Variants in NPR3 observed in about 807,000 individuals in gnomAD.
NPR3 encodes the protein atrial natriuretic peptide receptor 3.
In NPR3, 34 loss-of-function variants were observed where a neutral mutation model predicts 54.5. The observed-to-expected ratio is 0.62, with a 90% CI of 0.47 to 0.83. The LOEUF is 0.83. Among genes scored for constraint, NPR3 ranks in the 40% least tolerant of loss-of-function variants. The pLI is 0.00. For synonymous variants in NPR3, 289 were observed against 297.1 expected, an observed-to-expected ratio of 0.97 and a Z score of 0.28; for missense variants, 674 against 720.8, an observed-to-expected ratio of 0.94 and a Z score of 0.74.
rs1742641474 is a variant in NPR3, at chr5:32,786,517, C to T, written c.*172C>T. The T allele has an allele frequency of 1.6e-6, 1 of 614,950 alleles. No homozygotes were observed. Among genetic ancestry groups the T allele is most frequent in the Admixed American group, 3.3e-5 (1 of 30,080 alleles). The allele number at this position is 614,950 out of a possible 1,614,324, so 38.1% of individuals were successfully genotyped here. On this transcript the variant is annotated 3_prime_UTR_variant, in exon 8 of 8. Transcript: ENST00000265074. ...CTCAGGAATTATGATTAATCACCAT[C>T]TGCCTCCAGGCCTTTCATCTCATGA...
rs955151862 is a variant in NPR3, at chr5:32,712,484, C to T, written c.708C>T (p.Phe236=). ...EEGLHTSIYS[F]DETKDLDLED... The stretch of plus-strand genomic sequence containing the variant: ...GTTTGCACACGTCCATCTACAGTTT[C>T]GACGAGACCAAAGACTTGGATCTGG... The change falls in exon 1 of 8, where the codon TTC becomes TTT. Residue 236 remains phenylalanine, a synonymous_variant. Coordinates refer to ENST00000265074, the MANE Select transcript of NPR3 (RefSeq NM_001204375.2). 6.3e-7 allele frequency: 1 copy of T among 1,576,852 alleles called. No individual in the cohort carries two copies. Among genetic ancestry groups the T allele is most frequent in the Non-Finnish European group, 8.6e-7 (1 of 1,163,176 alleles).
rs754762104 is a variant in NPR3, at chr5:32,789,541, T to G, written c.*3196T>G. 2 of 534,664 alleles carry G rather than the reference T, an allele frequency of 3.7e-6. No individual in the cohort carries two copies. Among genetic ancestry groups the G allele is most frequent in the South Asian group, 2.8e-5 (2 of 71,588 alleles). 33.1% of individuals were successfully genotyped at this position (534,664 alleles called of 1,614,324 possible). A position where few individuals can be genotyped will look rare whatever the true frequency, so the allele number is the denominator to read the frequency against. On this transcript the variant is annotated 3_prime_UTR_variant, in exon 8 of 8. Coordinates refer to ENST00000265074, the MANE Select transcript of NPR3 (RefSeq NM_001204375.2). The stretch of plus-strand genomic sequence containing the variant: ...ATGTTTAATGGAGGGAAGAGAGAAA[T>G]GCATGGGAAAAGAACACCTCCTTTT...
At chr5:32,763,070 A>G (rs1227267992) in intron 3 of NPR3, among the ~76,000 whole-genome samples, 3 of 152,120 alleles carry the variant, frequency 2.0e-5, no homozygotes, top group African/African-American at 7.2e-5. Context: ...TTTTTCCAAC[A>G]CCATTTATTA....
In NPR3 at chr5:32,788,558, G is replaced by A. The variant is rs1742750443; in HGVS notation, c.*2213G>A. 1 of 152,084 alleles carries A rather than the reference G, an allele frequency of 6.6e-6. No individual in the cohort carries two copies. Among genetic ancestry groups the A allele is most frequent in the Non-Finnish European group, 1.5e-5 (1 of 68,018 alleles). 9.4% of individuals were successfully genotyped at this position (152,084 alleles called of 1,614,324 possible). On this transcript the variant is annotated 3_prime_UTR_variant, in exon 8 of 8. Coordinates refer to ENST00000265074, the MANE Select transcript of NPR3 (RefSeq NM_001204375.2). ...ATTTCAAGTCTATGTGCTTATTACA[G>A]GGGAAAAATAATCTACCTGGTTGCA...
At chr5:32,704,370 T>TTGTGTGTG (rs57959913) in intron 1 of NPR3, among the ~76,000 whole-genome samples, 20,023 of 146,724 alleles carry the variant, frequency 0.14, 1,596 homozygotes, top group Middle Eastern at 0.25. Context: ...TTTTGGCTCT[T>TTGTGTGTG]TGTGTGTGTG....
At chr5:32,719,582 CTTCCCTGTGT>C (rs1225355072) in intron 1 of NPR3, among the ~76,000 whole-genome samples, 2 of 152,142 alleles carry the variant, frequency 1.3e-5, no homozygotes, top group African/African-American at 4.8e-5. Flanking sequence ...ATGTTCTCCT[CTTCCCTGTGT>C]ACTCAATAGG....
In NPR3 at chr5:32,712,558, G is replaced by C; in HGVS notation, c.769+13G>C. ...GCCAGTGAGAGAGGTGAGCAGGGGC[G>C]CGTCCCGGGCCCCGGGCCCTAACCC... On this transcript the variant is annotated intron_variant, in intron 1 of 7. Coordinates refer to ENST00000265074, the MANE Select transcript of NPR3 (RefSeq NM_001204375.2). 1 of 1,504,042 alleles carries C rather than the reference G, an allele frequency of 6.6e-7. No individual in the cohort carries two copies. Among genetic ancestry groups the C allele is most frequent in the East Asian group, 2.3e-5 (1 of 43,854 alleles). The allele number at this position is 1,504,042 out of a possible 1,614,324, so 93.2% of individuals were successfully genotyped here.
chr5:32,789,302 G>A lies in NPR3; in HGVS notation c.*2957G>A. ...GATTTTTGGGTAGGGGGGCCAGGTA[G>A]GGGGAGACTCAGAAATAAAAGCGTT... is the stretch of plus-strand genomic sequence containing the variant. On this transcript the variant is annotated 3_prime_UTR_variant, in exon 8 of 8. Coordinates refer to ENST00000265074, the MANE Select transcript of NPR3 (RefSeq NM_001204375.2). 2.3e-6 allele frequency: 1 copy of A among 430,796 alleles called. No individual in the cohort carries two copies. Among genetic ancestry groups the A allele is most frequent in the Non-Finnish European group, 4.7e-6 (1 of 214,604 alleles). The allele number at this position is 430,796 out of a possible 1,614,324, so 26.7% of individuals were successfully genotyped here. A position where few individuals can be genotyped will look rare whatever the true frequency, so the allele number is the denominator to read the frequency against.
intron 6 of NPR3, among the ~76,000 whole-genome samples, chr5:32,784,220 G>T (rs992831883): frequency 2.0e-5 from 3 of 152,092 alleles, no homozygotes; most frequent in Non-Finnish European, 4.4e-5. Flanking sequence ...AGATAGTCTT[G>T]CTGTCTCACC....
At chr5:32,730,484 G>A (rs1739394123) in intron 2 of NPR3, among the ~76,000 whole-genome samples, 1 of 152,020 alleles carries the variant, frequency 6.6e-6, no homozygotes, top group Admixed American at 6.6e-5. Flanking sequence ...GATAAACAGG[G>A]CAAGAAATGA....
chr5:32,702,230 A>G (rs1396147983), intron 1 of NPR3, among the ~76,000 whole-genome samples: 2 of 152,180 alleles, frequency 1.3e-5, no homozygotes, highest in Non-Finnish European at 2.9e-5. Flanking sequence ...CTGAGCTGGT[A>G]CCCAAGCCAC....
chr5:32,779,479 T>C (rs2112062843), intron 4 of NPR3, among the ~76,000 whole-genome samples: 1 of 152,364 alleles, frequency 6.6e-6, no homozygotes, highest in Admixed American at 6.5e-5. Flanking sequence ...CCCTCCGTTC[T>C]CTGGCCACCC....
At position 32,711,723 on chromosome 5, in the gene NPR3, G is replaced by T. The variant is rs1033936063; in HGVS notation, c.-54G>T. ...TGGGGAGGAAAGAGGAAGGGTGGGTGGGGGGCAGAGGGCGAGTCGGCGGCG... is the reference window on the plus strand; with the variant it reads ...TGGGGAGGAAAGAGGAAGGGTGGGTTGGGGGCAGAGGGCGAGTCGGCGGCG... On this transcript the variant is annotated 5_prime_UTR_variant, in exon 1 of 8. Coordinates refer to ENST00000265074, the MANE Select transcript of NPR3 (RefSeq NM_001204375.2). 2.1e-6 allele frequency: 3 copies of T among 1,407,202 alleles called. No individual in the cohort carries two copies. Among genetic ancestry groups the T allele is most frequent in the Non-Finnish European group, 2.8e-6 (3 of 1,082,390 alleles). The allele number at this position is 1,407,202 out of a possible 1,614,324, so 87.2% of individuals were successfully genotyped here.
intron 3 of NPR3, among the ~76,000 whole-genome samples, chr5:32,767,693 T>C (rs2112030560): frequency 6.6e-6 from 1 of 152,070 alleles, no homozygotes; most frequent in East Asian, 1.9e-4. Flanking sequence ...CACCACACCT[T>C]GAAATTGCTT....
chr5:32,747,141 C>T (rs1459416256), intron 3 of NPR3, among the ~76,000 whole-genome samples: 1 of 152,142 alleles, frequency 6.6e-6, no homozygotes, highest in Non-Finnish European at 1.5e-5. Context: ...AGACAATCAT[C>T]ATTAATGTTT....
In NPR3 at chr5:32,700,724, A is replaced by C. The variant is rs181428021; in HGVS notation, c.100+11538A>C. Among the ~76,000 whole-genome samples, 994 of 152,112 alleles carry C rather than the reference A, an allele frequency of 6.5e-3. 11 individuals carry two copies. Among genetic ancestry groups the C allele is most frequent in the African/African-American group, 0.022 (911 of 41,498 alleles). On this transcript the variant is annotated intron_variant, in intron 1 of 5. Coordinates refer to the NPR3 transcript ENST00000509104. ...ATCCATGTCCCTGCCAAGGACATGA[A>C]CTCATCGTTTTTTATGGCTGCATAG...
chr5:32,787,819 G>A lies in NPR3; in HGVS notation c.*1474G>A, dbSNP rs1004020669. ...ATAGACAGTGAGGGAGGAATGGGAA[G>A]CTGTCATGAGAGTGCACCGTCTTGG... On this transcript the variant is annotated 3_prime_UTR_variant, in exon 8 of 8. Transcript: ENST00000265074. 6.6e-5 allele frequency: 10 copies of A among 152,202 alleles called. No homozygotes were observed. The highest frequency in any genetic ancestry group is 2.4e-4 in the African/African-American group (10 of 41,460). 9.4% of individuals were successfully genotyped at this position (152,202 alleles called of 1,614,324 possible).
At chr5:32,720,554 G>A (rs1346056296) in intron 1 of NPR3, among the ~76,000 whole-genome samples, 1 of 152,204 alleles carries the variant, frequency 6.6e-6, no homozygotes, top group Non-Finnish European at 1.5e-5. Flanking sequence ...ATGGAGGGTG[G>A]CATGGAACAT....
At chr5:32,759,601 T>C (rs569118293) in intron 3 of NPR3, among the ~76,000 whole-genome samples, 4 of 152,372 alleles carry the variant, frequency 2.6e-5, no homozygotes, top group African/African-American at 9.6e-5. Flanking sequence ...TCAGCCCATT[T>C]ACATTTAAAG....
Sources: gnomAD v4.1 joint callset for allele counts (sites outside exome capture counted in the v4.1 genomes callset) on GRCh38, gnomAD v4.1.1 for gene constraint, MANE v1.5 for transcripts, NCBI Gene and HGNC (gene_info 2026-07-23, HGNC 2026-07-21) for gene names.